ARHGAP15: variants seen among roughly 807,000 people sequenced by gnomAD.
ARHGAP15 encodes Rho GTPase activating protein 15.
In ARHGAP15, 51 loss-of-function variants were observed where a neutral mutation model predicts 63.7. The observed-to-expected ratio is 0.80, with a 90% CI of 0.64 to 1.01. ARHGAP15 has a LOEUF of 1.01. Ranked by LOEUF, ARHGAP15 falls within the 50% of genes least tolerant of loss-of-function variation. The probability of loss-of-function intolerance (pLI) is 0.00; values close to 1 mark genes in which losing one functional copy is unlikely to be tolerated. For synonymous variants in ARHGAP15, 191 were observed against 193.8 expected, an observed-to-expected ratio of 0.99 and a Z score of 0.12; for missense variants, 560 against 564.6, an observed-to-expected ratio of 0.99 and a Z score of 0.08.
At chr2:143,337,918 C>A (rs191812186) in intron 6 of ARHGAP15, among the ~76,000 whole-genome samples, 1 of 152,258 alleles carries the variant, frequency 6.6e-6, no homozygotes, top group Admixed American at 6.5e-5. Context: ...AGGTTTTCTT[C>A]TTGATATAGT....
At chr2:143,287,838 C>T (rs1341414172) in intron 6 of ARHGAP15, among the ~76,000 whole-genome samples, 2 of 152,072 alleles carry the variant, frequency 1.3e-5, no homozygotes, top group African/African-American at 2.4e-5. Flanking sequence ...ATGTCTGAGA[C>T]TTCTGCTCTG....
chr2:143,312,185 G>A (rs1032336831), intron 6 of ARHGAP15, among the ~76,000 whole-genome samples: 1 of 152,072 alleles, frequency 6.6e-6, no homozygotes, highest in Non-Finnish European at 1.5e-5. Context: ...TATTTGGATA[G>A]GAAAAAAGAT....
At chr2:143,424,117 G>A (rs537659745) in intron 6 of ARHGAP15, among the ~76,000 whole-genome samples, 25 of 152,118 alleles carry the variant, frequency 1.6e-4, no homozygotes, top group South Asian at 4.1e-4. Flanking sequence ...CAAATCACTC[G>A]TGGAGCTCTG....
At chr2:143,517,130 A>G (rs887299438) in intron 9 of ARHGAP15, among the ~76,000 whole-genome samples, 22 of 152,020 alleles carry the variant, frequency 1.4e-4, no homozygotes, top group Non-Finnish European at 2.9e-5. Context: ...TGTATTTTTA[A>G]TAGAAACGGG....
At chr2:143,304,132 CT>C (rs1683053332) in intron 6 of ARHGAP15, among the ~76,000 whole-genome samples, 1 of 152,130 alleles carries the variant, frequency 6.6e-6, no homozygotes, top group Non-Finnish European at 1.5e-5. Flanking sequence ...ATAAATCATG[CT>C]GCTATAAAGA....
chr2:143,672,459 G>T (rs1445370087), intron 12 of ARHGAP15, among the ~76,000 whole-genome samples: 34 of 152,166 alleles, frequency 2.2e-4, no homozygotes, highest in Admixed American at 2.2e-3. Flanking sequence ...CTCAAATGAT[G>T]TTAACTAATG....
At chr2:143,483,351 T>G (rs1252928175) in intron 8 of ARHGAP15, among the ~76,000 whole-genome samples, 1 of 152,216 alleles carries the variant, frequency 6.6e-6, no homozygotes, top group East Asian at 1.9e-4. Flanking sequence ...TACTTTCTAA[T>G]GGCATCGTTT....
At chr2:143,496,250 T>A (rs891292072) in intron 9 of ARHGAP15, among the ~76,000 whole-genome samples, 1 of 151,530 alleles carries the variant, frequency 6.6e-6, no homozygotes, top group Non-Finnish European at 1.5e-5. Context: ...CCATGCGAGA[T>A]GGAGAAATGT....
At chr2:143,747,096 G>A (rs57620267) in intron 13 of ARHGAP15, among the ~76,000 whole-genome samples, 6,775 of 152,002 alleles carry the variant, frequency 0.045, 353 homozygotes, top group East Asian at 0.28. Context: ...GGGGAGAAAG[G>A]GGAGGAAGAG....
intron 12 of ARHGAP15, among the ~76,000 whole-genome samples, chr2:143,642,184 TG>T (rs1680636167): frequency 6.6e-6 from 1 of 152,148 alleles, no homozygotes; most frequent in South Asian, 2.1e-4. Context: ...TAGCAGGGAA[TG>T]ATTATACAGG....
At chr2:143,574,717 C>A (rs1025639582) in intron 11 of ARHGAP15, among the ~76,000 whole-genome samples, 2 of 152,050 alleles carry the variant, frequency 1.3e-5, no homozygotes, top group Non-Finnish European at 1.5e-5. Flanking sequence ...CTTGGCCATG[C>A]CCCCATTAGC....
chr2:143,316,398 C>A (rs886397998), intron 6 of ARHGAP15, among the ~76,000 whole-genome samples: 4 of 151,720 alleles, frequency 2.6e-5, no homozygotes, highest in African/African-American at 9.7e-5. Context: ...TTGAGAAGAA[C>A]TCCCCAGCAC....
At chr2:143,233,711 A>T (rs1031856929) in intron 5 of ARHGAP15, among the ~76,000 whole-genome samples, 2 of 144,628 alleles carry the variant, frequency 1.4e-5, no homozygotes, top group Non-Finnish European at 3.0e-5. Flanking sequence ...CAGTGGCATG[A>T]TCTTGGCTCA....
chr2:143,360,970 T>C (rs1033739914), intron 6 of ARHGAP15, among the ~76,000 whole-genome samples: 3 of 152,292 alleles, frequency 2.0e-5, no homozygotes, highest in Admixed American at 2.0e-4. Flanking sequence ...CAATGGGAAA[T>C]GTCTCTATGT....
intron 13 of ARHGAP15, among the ~76,000 whole-genome samples, chr2:143,744,597 C>T (rs543836153): frequency 1.2e-4 from 19 of 152,302 alleles, no homozygotes; most frequent in African/African-American, 2.2e-4. Flanking sequence ...CACAAGAGTG[C>T]GAATGTATAA....
chr2:143,413,241 G>T (rs1323990501), intron 6 of ARHGAP15, among the ~76,000 whole-genome samples: 1 of 152,040 alleles, frequency 6.6e-6, no homozygotes, highest in Non-Finnish European at 1.5e-5. Flanking sequence ...GGCCCTTTAG[G>T]TTAGGAGCAG....
chr2:143,517,751 TA>T (rs950546889), intron 9 of ARHGAP15, among the ~76,000 whole-genome samples: 35 of 152,258 alleles, frequency 2.3e-4, no homozygotes, highest in African/African-American at 8.2e-4. Flanking sequence ...GCCATTTTTT[TA>T]AAGGCTGGTA....
intron 6 of ARHGAP15, among the ~76,000 whole-genome samples, chr2:143,370,638 A>G (rs553771754): frequency 1.4e-4 from 21 of 152,186 alleles, no homozygotes; most frequent in Non-Finnish European, 2.9e-4. Context: ...CATCGTTTCT[A>G]AAATTATTTT....
chr2:143,578,283 G>A (rs1275257125), intron 11 of ARHGAP15, among the ~76,000 whole-genome samples: 3 of 151,572 alleles, frequency 2.0e-5, no homozygotes, highest in African/African-American at 4.9e-5. Flanking sequence ...ACATTGAAAA[G>A]AAAAAAAACT....
Sources: allele counts gnomAD v4.1 joint callset (sites outside exome capture counted in the v4.1 genomes callset), GRCh38; gene constraint gnomAD v4.1.1; transcripts MANE v1.5; gene names NCBI Gene and HGNC (gene_info 2026-07-23, HGNC 2026-07-21).